Variants in MYRIP observed in about 807,000 individuals in gnomAD.
The protein encoded by MYRIP is myosin VIIA and Rab interacting protein.
In MYRIP, 49 loss-of-function variants were observed where a neutral mutation model predicts 98.0. The ratio of observed to expected loss-of-function variants is 0.50; its 90% CI spans 0.40 to 0.63. The LOEUF (loss-of-function observed/expected upper bound fraction) is 0.63. Among genes scored for constraint, MYRIP ranks in the 30% least tolerant of loss-of-function variants. The pLI is 0.00. For missense variants in MYRIP, 1,004 were observed against 1,058.2 expected, an observed-to-expected ratio of 0.95 and a Z score of 0.71; for synonymous variants, 404 against 409.5, an observed-to-expected ratio of 0.99 and a Z score of 0.16.
intron 3 of MYRIP, among the ~76,000 whole-genome samples, chr3:40,083,860 G>T (rs568770697): frequency 6.6e-6 from 1 of 152,058 alleles, no homozygotes; most frequent in Non-Finnish European, 1.5e-5. Context: ...ATTCTCGGCC[G>T]GGCGCGGTGG....
chr3:40,142,147 G>A (rs1949914774), intron 3 of MYRIP, among the ~76,000 whole-genome samples: 1 of 147,232 alleles, frequency 6.8e-6, no homozygotes, highest in Non-Finnish European at 1.5e-5. Flanking sequence ...CTGCCTCCCA[G>A]GTTCAAATGA....
At chr3:40,139,069 T>C (rs1258992022) in intron 3 of MYRIP, among the ~76,000 whole-genome samples, 1 of 152,236 alleles carries the variant, frequency 6.6e-6, no homozygotes, top group Non-Finnish European at 1.5e-5. Flanking sequence ...GAGAACATGC[T>C]GTGTTTAACT....
chr3:40,182,280 G>A lies in MYRIP; in HGVS notation c.934G>A (p.Ala312Thr), dbSNP rs59923220. 0.014 allele frequency: 21,935 copies of A among 1,613,878 alleles called. 2,364 individuals are homozygous for A. In the African/African-American group the frequency reaches 0.24, roughly 18 times the overall value. ...EEALKTPPVE[A>T]PSRQPRDQGQ... is the part of the protein sequence containing the mutation. ...AGCCCTGAAGACCCCTCCAGTGGAG[G>A]CTCCATCGAGGCAGCCAAGGGACCA... is the stretch of plus-strand genomic sequence containing the variant. The change falls in exon 9 of 17, where the codon GCT (alanine) becomes ACT (threonine). Residue 312 changes from alanine to threonine, a missense_variant. Physicochemically the swap from Ala to Thr is moderately conservative, Grantham distance 58. Around this residue, in one of 3 missense-constraint regions of MYRIP, gnomAD observed 880 missense variants for 907.7 expected, o/e 0.97. Transcript: ENST00000302541.
chr3:39,864,052 A>G (rs181250757), intron 1 of MYRIP, among the ~76,000 whole-genome samples: 1 of 152,342 alleles, frequency 6.6e-6, no homozygotes, highest in Non-Finnish European at 1.5e-5. Flanking sequence ...CAAAAATCAT[A>G]TGATGATCTC....
At chr3:40,096,511 G>C (rs1948838244) in intron 3 of MYRIP, among the ~76,000 whole-genome samples, 1 of 152,210 alleles carries the variant, frequency 6.6e-6, no homozygotes, top group Admixed American at 6.5e-5. Flanking sequence ...TCATGAGTTT[G>C]ACTCCCCGCA....
intron 9 of MYRIP, among the ~76,000 whole-genome samples, 182 bp from the exon 10 acceptor site, chr3:40,189,644 G>A (rs1281420033): frequency 6.6e-6 from 1 of 152,218 alleles, no homozygotes; most frequent in African/African-American, 2.4e-5. Context: ...GAGCTTTCAA[G>A]AGATTCCTTG....
intron 1 of MYRIP, among the ~76,000 whole-genome samples, chr3:39,826,105 T>C (rs1941254814): frequency 2.0e-5 from 3 of 150,708 alleles, no homozygotes; most frequent in South Asian, 4.2e-4. Context: ...GTCAATTTTG[T>C]TTATATTTTT....
intron 2 of MYRIP, among the ~76,000 whole-genome samples, chr3:39,998,379 A>G (rs1946424340): frequency 1.3e-5 from 2 of 152,238 alleles, no homozygotes; most frequent in Admixed American, 6.5e-5. Context: ...GCATTCTTAT[A>G]CACCAATAGC....
intron 3 of MYRIP, among the ~76,000 whole-genome samples, chr3:40,045,381 C>T (rs1159245291): frequency 6.6e-6 from 1 of 152,154 alleles, no homozygotes; most frequent in African/African-American, 2.4e-5. Context: ...CTACGCAGGT[C>T]CTGTGCCTGA....
chr3:40,126,352 C>T (rs1359940397), intron 3 of MYRIP, among the ~76,000 whole-genome samples: 1 of 152,156 alleles, frequency 6.6e-6, no homozygotes, highest in Non-Finnish European at 1.5e-5. Context: ...AACACCTTAG[C>T]GTTTTGGTTA....
chr3:40,027,055 T>G (rs1668328138), intron 2 of MYRIP, among the ~76,000 whole-genome samples: 1 of 152,108 alleles, frequency 6.6e-6, no homozygotes, highest in African/African-American at 2.4e-5. Context: ...TCTGAGCTGC[T>G]AAAACCCACA....
At chr3:40,139,544 G>GT (rs1487672014) in intron 3 of MYRIP, among the ~76,000 whole-genome samples, 3 of 152,100 alleles carry the variant, frequency 2.0e-5, no homozygotes, top group African/African-American at 7.2e-5. Flanking sequence ...TTAGCATAAT[G>GT]TTTTTGAGGT....
chr3:39,832,370 A>G (rs1018412908), intron 1 of MYRIP, among the ~76,000 whole-genome samples: 1 of 152,232 alleles, frequency 6.6e-6, no homozygotes, highest in Non-Finnish European at 1.5e-5. Flanking sequence ...TAATTGCCAG[A>G]GAGAGGCACA....
chr3:40,147,821 T>C (rs1950039986), intron 3 of MYRIP, among the ~76,000 whole-genome samples: 1 of 152,222 alleles, frequency 6.6e-6, no homozygotes, highest in Admixed American at 6.5e-5. Flanking sequence ...ATTATATACT[T>C]ATTGAATGCC....
At chr3:40,015,534 A>G (rs989428061) in intron 2 of MYRIP, among the ~76,000 whole-genome samples, 3 of 152,228 alleles carry the variant, frequency 2.0e-5, no homozygotes, top group Non-Finnish European at 4.4e-5. Flanking sequence ...GCAATGCCAG[A>G]GGAGGGGAGC....
intron 1 of MYRIP, among the ~76,000 whole-genome samples, chr3:39,891,910 T>TG (rs1244885640): frequency 6.6e-6 from 1 of 151,862 alleles, no homozygotes; most frequent in Non-Finnish European, 1.5e-5. Context: ...CTTTTCTGTT[T>TG]TTTTTCTTTT....
At chr3:40,161,625 T>C (rs1012510508) in intron 4 of MYRIP, among the ~76,000 whole-genome samples, 1 of 152,192 alleles carries the variant, frequency 6.6e-6, no homozygotes, top group Non-Finnish European at 1.5e-5. Flanking sequence ...TTACTGGGAT[T>C]TATAAACACA....
chr3:39,864,487 G>A (rs2125622404), intron 1 of MYRIP, among the ~76,000 whole-genome samples: 1 of 152,238 alleles, frequency 6.6e-6, no homozygotes, highest in African/African-American at 2.4e-5. Context: ...AAAGTCACTA[G>A]CATTCCTATA....
At chr3:39,950,664 C>T (rs1320185078) in intron 2 of MYRIP, among the ~76,000 whole-genome samples, 1 of 152,126 alleles carries the variant, frequency 6.6e-6, no homozygotes, top group African/African-American at 2.4e-5. Flanking sequence ...GCGTGATGGC[C>T]TCCGGATTCC....
Sources: allele counts gnomAD v4.1 joint callset (sites outside exome capture counted in the v4.1 genomes callset), GRCh38; gene constraint gnomAD v4.1.1; regional missense constraint gnomAD v4.1.1; transcripts MANE v1.5; gene names NCBI Gene and HGNC (gene_info 2026-07-23, HGNC 2026-07-21).